Variants in XKR4 observed in about 807,000 individuals in gnomAD.
XKR4 encodes XK related 4.
In XKR4, 12 loss-of-function variants were observed where a neutral mutation model predicts 53.9. The ratio of observed to expected loss-of-function variants is 0.22; its 90% CI spans 0.14 to 0.36. The LOEUF is 0.36. XKR4 is among the 10% of genes least tolerant of loss of function. The probability of loss-of-function intolerance (pLI) is 1.00; values close to 1 mark genes in which losing one functional copy is unlikely to be tolerated. For synonymous variants in XKR4, 354 were observed against 362.4 expected (o/e 0.98, Z 0.26); for missense variants, 799 against 859.5 (o/e 0.93, Z 0.88).
intron 1 of XKR4, among the ~76,000 whole-genome samples, chr8:55,228,095 C>T (rs540852975): frequency 2.0e-5 from 3 of 152,086 alleles, no homozygotes; most frequent in African/African-American, 7.2e-5. Flanking sequence ...TTAGTAGAGA[C>T]GGGGTTTCAT....
Position 55,317,619 on chromosome 8 carries a change from A to G in XKR4, c.807-40059A>G, listed in dbSNP as rs144548745. Among the ~76,000 whole-genome samples, 27 of 152,310 alleles carry G rather than the reference A, an allele frequency of 1.8e-4. No homozygotes were observed. In the Middle Eastern group the frequency reaches 0.014, roughly 77 times the overall value. Reference sequence around the variant, plus strand: ...TCAGCTCAGCCCCAGCCTTCCAGCCAGTTGTCATGTCAGACCTCAGTCCAT... The same window carrying G: ...TCAGCTCAGCCCCAGCCTTCCAGCCGGTTGTCATGTCAGACCTCAGTCCAT... On this transcript the variant is annotated intron_variant, in intron 1 of 2. Transcript: ENST00000327381.
At chr8:55,436,893 C>T (rs886446377) in intron 2 of XKR4, among the ~76,000 whole-genome samples, 5 of 152,178 alleles carry the variant, frequency 3.3e-5, no homozygotes, top group Non-Finnish European at 5.9e-5. Context: ...AAAGTCTCTA[C>T]ATTCTGAGGG....
intron 1 of XKR4, among the ~76,000 whole-genome samples, chr8:55,233,375 G>T (rs1273261445): frequency 1.4e-5 from 2 of 147,586 alleles, no homozygotes; most frequent in African/African-American, 4.9e-5. Context: ...TTCCCACTGG[G>T]GCCATCTGAT....
chr8:55,104,448 C>G (rs1416448109), intron 1 of XKR4, among the ~76,000 whole-genome samples: 1 of 152,206 alleles, frequency 6.6e-6, no homozygotes, highest in East Asian at 1.9e-4. Context: ...TTATTTGTGG[C>G]TATTTTTGTG....
intron 1 of XKR4, among the ~76,000 whole-genome samples, chr8:55,223,077 T>C (rs1330989459): frequency 1.3e-5 from 2 of 152,152 alleles, no homozygotes; most frequent in East Asian, 1.9e-4. Context: ...ACTGCAAGCA[T>C]GAGGAGGCAA....
intron 1 of XKR4, among the ~76,000 whole-genome samples, chr8:55,205,977 C>G (rs551508672): frequency 2.7e-4 from 41 of 152,184 alleles, no homozygotes; most frequent in African/African-American, 9.4e-4. Flanking sequence ...GGAGTCAAGC[C>G]ACAGACCTTT....
chr8:55,383,566 G>A (rs78881822), intron 2 of XKR4, among the ~76,000 whole-genome samples: 1,987 of 152,246 alleles, frequency 0.013, 49 homozygotes, highest in African/African-American at 0.046. Context: ...AGGCAAATTC[G>A]CATTATAATT....
chr8:55,172,137 C>A (rs1346216281), intron 1 of XKR4, among the ~76,000 whole-genome samples: 2 of 151,800 alleles, frequency 1.3e-5, no homozygotes, highest in Non-Finnish European at 2.9e-5. Context: ...TCACTTGAAC[C>A]CAGGTTGTCG....
chr8:55,459,037 A>G (rs1460403628), intron 2 of XKR4, among the ~76,000 whole-genome samples: 1 of 152,250 alleles, frequency 6.6e-6, no homozygotes, highest in African/African-American at 2.4e-5. Flanking sequence ...ATAAAGCTAC[A>G]GTAATCAAGA....
chr8:55,287,440 TA>T (rs1227650428), intron 1 of XKR4, among the ~76,000 whole-genome samples: 5 of 152,234 alleles, frequency 3.3e-5, no homozygotes, highest in Admixed American at 1.3e-4. Context: ...CTGGTGAGCG[TA>T]CCCATTAGGA....
chr8:55,494,285 G>A (rs1232515764), intron 2 of XKR4, among the ~76,000 whole-genome samples: 1 of 152,246 alleles, frequency 6.6e-6, no homozygotes, highest in Non-Finnish European at 1.5e-5. Context: ...GCTTGGAGAT[G>A]CCAGGAACCA....
At chr8:55,493,990 G>A (rs942858054) in intron 2 of XKR4, among the ~76,000 whole-genome samples, 13 of 152,348 alleles carry the variant, frequency 8.5e-5, no homozygotes, top group Admixed American at 4.6e-4. Flanking sequence ...GCCTTTGCCC[G>A]AGTTTTGCTC....
intron 2 of XKR4, among the ~76,000 whole-genome samples, chr8:55,391,309 GT>G (rs1307818497): frequency 5.3e-5 from 8 of 152,100 alleles, no homozygotes; most frequent in African/African-American, 1.9e-4. Context: ...ATTTACACAA[GT>G]TTATTCATTG....
Position 55,530,459 on chromosome 8 carries a change from T to A in XKR4, c.*6232T>A, listed in dbSNP as rs1373529492. 1 of 152,230 alleles carries A rather than the reference T, an allele frequency of 6.6e-6. No homozygotes were observed. Among genetic ancestry groups the A allele is most frequent in the Non-Finnish European group, 1.5e-5 (1 of 68,034 alleles). The allele number at this position is 152,230 out of a possible 1,614,324, so 9.4% of individuals were successfully genotyped here. ...ATTATAAAATAATTGATGTGTTCTT[T>A]CCCTTCTCACTTTAGATATAGCATG... On this transcript the variant is annotated 3_prime_UTR_variant, in exon 3 of 3. Coordinates refer to ENST00000327381, the MANE Select transcript of XKR4 (RefSeq NM_052898.2).
At chr8:55,147,272 A>C (rs1011772104) in intron 1 of XKR4, among the ~76,000 whole-genome samples, 1 of 152,224 alleles carries the variant, frequency 6.6e-6, no homozygotes, top group East Asian at 1.9e-4. Flanking sequence ...TCAGAAAATA[A>C]CAGAAAATGT....
chr8:55,291,934 T>G (rs1563317129), intron 1 of XKR4, among the ~76,000 whole-genome samples: 1 of 152,172 alleles, frequency 6.6e-6, no homozygotes, highest in East Asian at 1.9e-4. Flanking sequence ...TATGAATAAT[T>G]TGATATGATC....
chr8:55,422,471 G>A (rs570587557), intron 2 of XKR4, among the ~76,000 whole-genome samples: 5 of 152,312 alleles, frequency 3.3e-5, no homozygotes, highest in South Asian at 4.1e-4. Context: ...GATTTGGTCC[G>A]TGAGATGAAT....
At chr8:55,129,598 G>C (rs1300972974) in intron 1 of XKR4, among the ~76,000 whole-genome samples, 1 of 152,176 alleles carries the variant, frequency 6.6e-6, no homozygotes, top group East Asian at 1.9e-4. Context: ...TTTGAGAGTG[G>C]TGGACAGACT....
intron 1 of XKR4, among the ~76,000 whole-genome samples, chr8:55,251,089 AT>A (rs1297158933): frequency 6.6e-6 from 1 of 152,238 alleles, no homozygotes; most frequent in African/African-American, 2.4e-5. Context: ...TAGGTATAGT[AT>A]AGGCATAGGC....
Sources: allele counts gnomAD v4.1 joint callset (sites outside exome capture counted in the v4.1 genomes callset), GRCh38; gene constraint gnomAD v4.1.1; transcripts MANE v1.5; gene names NCBI Gene and HGNC (gene_info 2026-07-23, HGNC 2026-07-21).